The following SEMA3E variants were observed in gnomAD, a reference collection of about 807,000 sequenced individuals.
SEMA3E encodes the protein semaphorin 3E.
A neutral mutation model predicts 93.6 loss-of-function variants in SEMA3E; 49 were observed. The observed-to-expected ratio is 0.52, with a 90% CI of 0.42 to 0.66. The LOEUF is 0.66. Among genes scored for constraint, SEMA3E ranks in the 30% least tolerant of loss-of-function variants. The pLI, the probability that SEMA3E is intolerant of heterozygous loss-of-function variation, is 0.00. For missense variants in SEMA3E, 906 were observed against 964.8 expected, an observed-to-expected ratio of 0.94 and a Z score of 0.81; for synonymous variants, 363 against 330.7, an observed-to-expected ratio of 1.10 and a Z score of -1.06.
chr7:83,637,518 G>A (rs112453196), intron 1 of SEMA3E, among the ~76,000 whole-genome samples: 2,748 of 152,206 alleles, frequency 0.018, 88 homozygotes, highest in African/African-American at 0.061. Context: ...ATCCCCATGT[G>A]TCAAGGGTGG....
At chr7:83,612,476 A>C (rs1312696485) in intron 1 of SEMA3E, 1 of 152,182 alleles carries the variant, frequency 6.6e-6, no homozygotes, top group Non-Finnish European at 1.5e-5. Context: ...GGTATATCTT[A>C]CAAATGAAGA....
chr7:83,473,213 A>G (rs1789940274), intron 2 of SEMA3E, among the ~76,000 whole-genome samples: 1 of 152,206 alleles, frequency 6.6e-6, no homozygotes, highest in African/African-American at 2.4e-5. Context: ...TCAAGATATC[A>G]TTAACATTTT....
chr7:83,588,126 G>A (rs573551501), intron 1 of SEMA3E, among the ~76,000 whole-genome samples: 6 of 152,234 alleles, frequency 3.9e-5, no homozygotes, highest in Admixed American at 2.6e-4. Context: ...GCTCATGCCT[G>A]TAATCCCAGC....
At chr7:83,559,874 T>C (rs1791991788) in intron 1 of SEMA3E, among the ~76,000 whole-genome samples, 1 of 151,994 alleles carries the variant, frequency 6.6e-6, no homozygotes, top group Non-Finnish European at 1.5e-5. Flanking sequence ...GACAATAGAA[T>C]GTTACCAAAC....
At position 83,546,387 on chromosome 7, in the gene SEMA3E, T is replaced by G. The variant is rs956668101; in HGVS notation, c.116-56113A>C. 6.9e-5 allele frequency among the ~76,000 whole-genome samples: 10 copies of G among 144,848 alleles called. No individual in the cohort carries two copies. The East Asian group carries it at 1.8e-3, about 27-fold the overall frequency. On this transcript the variant is annotated intron_variant, in intron 1 of 16. Transcript: ENST00000643230. Reference sequence around the variant, plus strand: ...GTGTTGAGAAAGGAGGGGAATATAGTGAATGTGGGACCACTAGCTCTAGGG... The same window carrying G: ...GTGTTGAGAAAGGAGGGGAATATAGGGAATGTGGGACCACTAGCTCTAGGG...
At chr7:83,416,730 GTC>G (rs1481619589) in intron 5 of SEMA3E, among the ~76,000 whole-genome samples, 12 of 151,872 alleles carry the variant, frequency 7.9e-5, no homozygotes, top group Admixed American at 7.9e-4. Context: ...AGATAAGAAA[GTC>G]TCTTTTTTTC....
At chr7:83,519,135 C>A (rs1410043697) in intron 1 of SEMA3E, among the ~76,000 whole-genome samples, 3 of 151,720 alleles carry the variant, frequency 2.0e-5, no homozygotes, top group African/African-American at 7.2e-5. Flanking sequence ...CCCCACCCCA[C>A]AACAGGCCCC....
chr7:83,621,647 A>G (rs1793558209), intron 1 of SEMA3E, among the ~76,000 whole-genome samples: 1 of 152,170 alleles, frequency 6.6e-6, no homozygotes, highest in Admixed American at 6.5e-5. Context: ...AAACAGACAC[A>G]TTGACCGATG....
At chr7:83,470,566 A>G (rs1789870456) in intron 2 of SEMA3E, among the ~76,000 whole-genome samples, 2 of 151,976 alleles carry the variant, frequency 1.3e-5, no homozygotes, top group Non-Finnish European at 2.9e-5. Flanking sequence ...CTTTTATTTT[A>G]GTTAATTATT....
intron 1 of SEMA3E, among the ~76,000 whole-genome samples, chr7:83,501,246 T>C (rs145267355): frequency 1.4e-3 from 212 of 152,338 alleles, no homozygotes; most frequent in African/African-American, 4.9e-3. Context: ...TAAAACAAAA[T>C]GCATTTTGCT....
chr7:83,648,388 T>C (rs750247581), intron 1 of SEMA3E, 40 bp downstream of exon 1: 3 of 1,424,744 alleles, frequency 2.1e-6, no homozygotes, highest in Non-Finnish European at 2.9e-6. Flanking sequence ...TTTTTCTTTT[T>C]TTTTTTTTTT....
chr7:83,586,036 C>T (rs1285387211), intron 1 of SEMA3E, among the ~76,000 whole-genome samples: 2 of 152,252 alleles, frequency 1.3e-5, no homozygotes, highest in African/African-American at 4.8e-5. Flanking sequence ...CATATATGCA[C>T]ATCCCAGAAT....
At position 83,648,708 on chromosome 7, in the gene SEMA3E, C is replaced by G; in HGVS notation, c.-166G>C. On this transcript the variant is annotated 5_prime_UTR_variant, in exon 1 of 17. Coordinates refer to ENST00000643230, the MANE Select transcript of SEMA3E (RefSeq NM_012431.3). ...GTGCCATTTGTCAGGCTGTATTTGGCTATGTAAAACCTTTCTTTCCTCGGG... is the reference window on the plus strand; with the variant it reads ...GTGCCATTTGTCAGGCTGTATTTGGGTATGTAAAACCTTTCTTTCCTCGGG... 2 of 684,758 alleles carry G rather than the reference C, an allele frequency of 2.9e-6. No homozygotes were observed. Among genetic ancestry groups the G allele is most frequent in the South Asian group, 3.1e-5 (2 of 64,120 alleles). 42.4% of individuals were successfully genotyped at this position (684,758 alleles called of 1,614,324 possible).
intron 4 of SEMA3E, among the ~76,000 whole-genome samples, chr7:83,440,545 T>G (rs1025781497): frequency 6.6e-6 from 1 of 152,194 alleles, no homozygotes; most frequent in African/African-American, 2.4e-5. Flanking sequence ...CAGAAACTTA[T>G]GCAAATTTGC....
At chr7:83,463,015 T>C (rs576136523) in intron 4 of SEMA3E, among the ~76,000 whole-genome samples, 82 of 142,290 alleles carry the variant, frequency 5.8e-4, no homozygotes, top group African/African-American at 1.9e-3. Flanking sequence ...TTACCTAGGC[T>C]GTACTGCCGC....
chr7:83,516,821 C>T (rs1222779239), intron 1 of SEMA3E, among the ~76,000 whole-genome samples: 1 of 151,824 alleles, frequency 6.6e-6, no homozygotes, highest in African/African-American at 2.4e-5. Flanking sequence ...GTCAAAAATG[C>T]TTGAGAGCAT....
At chr7:83,530,907 A>G (rs13247064) in intron 1 of SEMA3E, among the ~76,000 whole-genome samples, 79,811 of 151,608 alleles carry the variant, frequency 0.53, 23,335 homozygotes, top group Middle Eastern at 0.69. Flanking sequence ...GGTTCTAGAT[A>G]GTCAGCAGAC....
rs187876862 is a variant in SEMA3E, at chr7:83,621,974, T to C, written c.115+26454A>G. Among the ~76,000 whole-genome samples the C allele has an allele frequency of 2.0e-5, 3 of 152,006 alleles. No homozygotes were observed. In the East Asian group the frequency reaches 5.8e-4, roughly 29 times the overall value. ...AAACACCAAAAGCAATTGCAACAAATGCAAATCTTGATAAATGAGATCTAA... is the reference window on the plus strand; with the variant it reads ...AAACACCAAAAGCAATTGCAACAAACGCAAATCTTGATAAATGAGATCTAA... On this transcript the variant is annotated intron_variant, in intron 1 of 16. Coordinates refer to ENST00000643230, the MANE Select transcript of SEMA3E (RefSeq NM_012431.3).
chr7:83,626,483 T>C (rs902803562), intron 1 of SEMA3E, among the ~76,000 whole-genome samples: 12 of 152,186 alleles, frequency 7.9e-5, no homozygotes, highest in Non-Finnish European at 1.5e-5. Flanking sequence ...GATTTTCTGG[T>C]TCATTTGCAT....
Sources: gnomAD v4.1 joint callset for allele counts (sites outside exome capture counted in the v4.1 genomes callset) on GRCh38, gnomAD v4.1.1 for gene constraint, MANE v1.5 for transcripts, NCBI Gene and HGNC (gene_info 2026-07-23, HGNC 2026-07-21) for gene names.